Variants in RBM33 observed in about 807,000 individuals in gnomAD.
The protein encoded by RBM33 is RNA-binding protein 33.
Under a neutral mutation model 132.6 loss-of-function variants are expected in RBM33, and 28 were observed. That is an observed-to-expected ratio of 0.21 (90% CI 0.16 to 0.29). RBM33 has a LOEUF of 0.29. Ranked by LOEUF, RBM33 falls within the 10% of genes least tolerant of loss-of-function variation. The pLI is 1.00. For synonymous variants in RBM33, 634 were observed against 593.0 expected (o/e 1.07, Z -1.01); for missense variants, 1,291 against 1,518.5 (o/e 0.85, Z 2.49).
chr7:155,720,363 A>G (rs1311711176), intron 9 of RBM33, among the ~76,000 whole-genome samples: 1 of 152,224 alleles, frequency 6.6e-6, no homozygotes, highest in Non-Finnish European at 1.5e-5. Context: ...CTTAGAGAAA[A>G]TCATGAAATG....
chr7:155,723,123 T>C (rs1409089762), intron 9 of RBM33, among the ~76,000 whole-genome samples: 1 of 152,208 alleles, frequency 6.6e-6, no homozygotes, highest in Non-Finnish European at 1.5e-5. Context: ...TGGTATCAGG[T>C]GGCAGTGAAT....
chr7:155,727,245 A>T (rs556642563), intron 9 of RBM33, among the ~76,000 whole-genome samples: 1 of 152,286 alleles, frequency 6.6e-6, no homozygotes, highest in East Asian at 1.9e-4. Flanking sequence ...AGGCCAGCTG[A>T]GGTATCCCCC....
In RBM33 at chr7:155,738,332, C is replaced by T. The variant is rs1801198922; in HGVS notation, c.1666C>T (p.Pro556Ser). 2 of 1,614,004 alleles carry T rather than the reference C, an allele frequency of 1.2e-6. No individual in the cohort carries two copies. The highest frequency in any genetic ancestry group is 1.7e-5 in the Admixed American group (1 of 60,018). Residue 556 changes from proline (P) to serine (S), a missense_variant, in exon 11 of 18, where the codon CCT becomes TCT. By Grantham distance (74) the Pro-to-Ser change is moderately conservative. Coordinates refer to ENST00000401878, the MANE Select transcript of RBM33 (RefSeq NM_053043.3). Reference protein sequence around the residue: ...PGSATTRPFIPPRQPFLPGPG... With the variant: ...PGSATTRPFISPRQPFLPGPG... ...GTCGGCAACCACACGGCCCTTCATT[C>T]CTCCTAGACAGCCGTTCCTGCCAGG...
In RBM33 at chr7:155,665,231, G is replaced by A. The variant is rs779983612; in HGVS notation, c.100G>A (p.Ala34Thr). 7 of 1,613,878 alleles carry A rather than the reference G, an allele frequency of 4.3e-6. No individual in the cohort carries two copies. The highest frequency in any genetic ancestry group is 5.9e-6 in the Non-Finnish European group (7 of 1,179,798). Residue 34 changes from alanine to threonine, a missense_variant, in exon 2 of 18, where the codon GCT (alanine) becomes ACT (threonine). Ala to Thr is a moderately conservative substitution (Grantham distance 58). Coordinates refer to ENST00000401878, the MANE Select transcript of RBM33 (RefSeq NM_053043.3). ...CGCGGAACGGTCGTGGAGAAGAAGA[G>A]CTGCTGATGAGGACTGGGACAGGTA... ...PGAERSWRRR[A>T]ADEDWDSELE...
In RBM33 at chr7:155,654,504, C is replaced by G. The variant is rs780265030; in HGVS notation, c.43+9585C>G. ...ATGCCCCAAATCTTTACCACCTTTTCTTTCTGACTACTTCTCTCTATGAGT... is the reference window on the plus strand; with the variant it reads ...ATGCCCCAAATCTTTACCACCTTTTGTTTCTGACTACTTCTCTCTATGAGT... On this transcript the variant is annotated intron_variant, in intron 1 of 17. Coordinates refer to ENST00000401878, the MANE Select transcript of RBM33 (RefSeq NM_053043.3). Among the ~76,000 whole-genome samples, 13 of 152,296 alleles carry G rather than the reference C, an allele frequency of 8.5e-5. No individual in the cohort carries two copies. The Middle Eastern group carries it at 0.01, about 120-fold the overall frequency.
chr7:155,710,363 T>C (rs1166454591), intron 7 of RBM33, among the ~76,000 whole-genome samples: 1 of 152,158 alleles, frequency 6.6e-6, no homozygotes, highest in African/African-American at 2.4e-5. Flanking sequence ...TTTATAGGAT[T>C]GTGGGGAGCT....
At chr7:155,736,226 A>C (rs1801121790) in intron 9 of RBM33, among the ~76,000 whole-genome samples, 1 of 152,202 alleles carries the variant, frequency 6.6e-6, no homozygotes, top group Non-Finnish European at 1.5e-5. Context: ...CAGTGTTAGA[A>C]AATGTTGTTG....
At chr7:155,718,538 T>C (rs977450454) in intron 9 of RBM33, 95 bp downstream of exon 9, 16 of 1,040,132 alleles carry the variant, frequency 1.5e-5, no homozygotes, top group Non-Finnish European at 2.1e-5. Flanking sequence ...CAGCCAAATA[T>C]AATTTTAAGG....
chr7:155,769,188 C>T (rs1802323078), intron 16 of RBM33, among the ~76,000 whole-genome samples: 1 of 152,162 alleles, frequency 6.6e-6, no homozygotes, highest in Non-Finnish European at 1.5e-5. Flanking sequence ...TTGACAAGAA[C>T]TTGATTCTTC....
chr7:155,665,511 A>C (rs1798777593), intron 2 of RBM33, among the ~76,000 whole-genome samples: 1 of 152,222 alleles, frequency 6.6e-6, no homozygotes, highest in Non-Finnish European at 1.5e-5. Context: ...TTGTACAGTA[A>C]TGATACTGAC....
rs1172809475 is a variant in RBM33, at chr7:155,745,280, T to A, written c.2657T>A (p.Val886Asp). 1 of 1,612,936 alleles carries A rather than the reference T, an allele frequency of 6.2e-7. No individual in the cohort carries two copies. Among genetic ancestry groups the A allele is most frequent in the Non-Finnish European group, 8.5e-7 (1 of 1,179,402 alleles). Residue 886 changes from valine to aspartate, a missense_variant, in exon 14 of 18, where the codon GTT (valine) becomes GAT (aspartate). Physicochemically the swap from Val to Asp is radical, Grantham distance 152. This residue lies in a region of RBM33 where 841 missense variants were observed against 912.0 expected (regional missense o/e 0.92). Coordinates refer to ENST00000401878, the MANE Select transcript of RBM33 (RefSeq NM_053043.3). The surrounding 1 kb of genome is among the most constrained non-coding windows in gnomAD (Gnocchi z 4.1). ...AACCAGGATGTCAGTATTTCAAACGTTCAGCCCAAAACATCCAATTTTGTA... is the reference window on the plus strand; with the variant it reads ...AACCAGGATGTCAGTATTTCAAACGATCAGCCCAAAACATCCAATTTTGTA... ...VKNQDVSISN[V>D]QPKTSNFVPS...
rs116618578 is a variant in RBM33 at position 155,726,025 on chromosome 7, G to A, written c.1260+7582G>A. Among the ~76,000 whole-genome samples the A allele has an allele frequency of 9.2e-3, 1,395 of 152,316 alleles. 15 individuals carry two copies. Among genetic ancestry groups the A allele is most frequent in the African/African-American group, 0.032 (1,316 of 41,566 alleles). On this transcript the variant is annotated intron_variant, in intron 9 of 17. Transcript: ENST00000401878. ...GATAGAGGGCTGTAATTTTAATTAC[G>A]TCAGGGGTCACTAGTGACCTTTATT...
At chr7:155,667,639 C>T (rs147743198) in intron 2 of RBM33, among the ~76,000 whole-genome samples, 6 of 152,170 alleles carry the variant, frequency 3.9e-5, no homozygotes, top group African/African-American at 1.2e-4. Flanking sequence ...TGACTAAATG[C>T]GGGCTGTGCA....
Position 155,763,814 on chromosome 7 carries a change from A to T in RBM33, c.2982A>T (p.Gly994=). ...TGCTGCCTTCTTGGTTTCAGCAGGG[A>T]GGAGAGAGCGATGGCTTTTTTCACC... ...KVRVIKLSGG[G]GESDGFFHPE... The change falls in exon 15 of 18, where the codon GGA becomes GGT. Residue 994 remains glycine (G), a splice_region_variant and synonymous_variant. Coordinates refer to ENST00000401878, the MANE Select transcript of RBM33 (RefSeq NM_053043.3). 4 of 1,608,982 alleles carry T rather than the reference A, an allele frequency of 2.5e-6. No individual in the cohort carries two copies. Among genetic ancestry groups the T allele is most frequent in the Non-Finnish European group, 2.5e-6 (3 of 1,177,750 alleles).
intron 5 of RBM33, among the ~76,000 whole-genome samples, chr7:155,692,083 T>C (rs1401509693): frequency 2.0e-5 from 3 of 151,892 alleles, no homozygotes; most frequent in Admixed American, 2.0e-4. Context: ...TTTTTTTCTT[T>C]GATTTTCAGT....
At chr7:155,746,192 G>A (rs1263640752) in intron 14 of RBM33, among the ~76,000 whole-genome samples, 1 of 152,048 alleles carries the variant, frequency 6.6e-6, no homozygotes, top group African/African-American at 2.4e-5. Flanking sequence ...AAATCATTAC[G>A]TTTGTTTTGG....
intron 9 of RBM33, among the ~76,000 whole-genome samples, chr7:155,733,252 GTCT>G (rs1217018605): frequency 6.6e-6 from 1 of 152,160 alleles, no homozygotes; most frequent in East Asian, 1.9e-4. Flanking sequence ...CCATTTTTAT[GTCT>G]AAGTCAGGGA....
chr7:155,712,743 G>A (rs776126467), intron 8 of RBM33, among the ~76,000 whole-genome samples: 53 of 152,198 alleles, frequency 3.5e-4, no homozygotes, highest in Admixed American at 1.6e-3. Flanking sequence ...GGAGACCAGC[G>A]TGACTTTTGT....
rs1226262897 is a variant in RBM33, at chr7:155,672,849, T to C, written c.123-18T>C. On this transcript the variant is annotated intron_variant, in intron 2 of 17. Transcript: ENST00000401878. ...TTATGGGAATAATCATTGACATGTCTCTTTTTTTTCTCCCAAGTGAACTTG... is the reference window on the plus strand; with the variant it reads ...TTATGGGAATAATCATTGACATGTCCCTTTTTTTTCTCCCAAGTGAACTTG... 1 of 1,539,446 alleles carries C rather than the reference T, an allele frequency of 6.5e-7. No homozygotes were observed. The highest frequency in any genetic ancestry group is 8.8e-7 in the Non-Finnish European group (1 of 1,137,920).
Sources: gnomAD v4.1 joint callset for allele counts (sites outside exome capture counted in the v4.1 genomes callset) on GRCh38, gnomAD v4.1.1 for gene constraint, gnomAD v4.1.1 regional missense constraint, Gnocchi (gnomAD v3.1) non-coding constraint, MANE v1.5 for transcripts, NCBI Gene and HGNC (gene_info 2026-07-23, HGNC 2026-07-21) for gene names.